SORCS1: variants seen among roughly 807,000 people sequenced by gnomAD.
SORCS1 encodes sortilin related VPS10 domain containing receptor 1.
Under a neutral mutation model 146.1 loss-of-function variants are expected in SORCS1, and 60 were observed. The observed-to-expected ratio is 0.41, with a 90% CI of 0.33 to 0.51. SORCS1 has a LOEUF of 0.51. Among genes scored for constraint, SORCS1 ranks in the 20% least tolerant of loss-of-function variants. SORCS1 has a pLI of 0.21. For missense variants in SORCS1, 1,352 were observed against 1,487.6 expected (o/e 0.91, Z 1.50); for synonymous variants, 637 against 584.0 (o/e 1.09, Z -1.31).
intron 1 of SORCS1, among the ~76,000 whole-genome samples, chr10:106,974,642 A>G (rs998778036): frequency 3.3e-5 from 5 of 152,312 alleles, no homozygotes; most frequent in Non-Finnish European, 5.9e-5. Flanking sequence ...CAGTCTCCAA[A>G]GCAAGGGTTT....
intron 2 of SORCS1, among the ~76,000 whole-genome samples, chr10:106,938,962 T>A (rs529784374): frequency 6.6e-6 from 1 of 152,296 alleles, no homozygotes; most frequent in Admixed American, 6.5e-5. Context: ...AAGAGAGAGA[T>A]TATTGGGACT....
At chr10:106,942,562 T>C (rs1954097454) in intron 2 of SORCS1, among the ~76,000 whole-genome samples, 1 of 152,110 alleles carries the variant, frequency 6.6e-6, no homozygotes, top group Non-Finnish European at 1.5e-5. Context: ...TTCCAAAATG[T>C]CAAGTCCCAT....
chr10:107,032,580 G>C (rs1049027752), intron 1 of SORCS1, among the ~76,000 whole-genome samples: 1 of 152,142 alleles, frequency 6.6e-6, no homozygotes, highest in Admixed American at 6.6e-5. Flanking sequence ...CAATGAGTTA[G>C]AAGAGCTGAG....
intron 22 of SORCS1, among the ~76,000 whole-genome samples, chr10:106,610,565 G>C (rs752138433): frequency 2.0e-5 from 3 of 152,190 alleles, no homozygotes; most frequent in Non-Finnish European, 4.4e-5. Flanking sequence ...TCTGTTTTCT[G>C]ATCAGGAGTT....
chr10:106,876,042 T>C (rs1169662420), intron 2 of SORCS1, among the ~76,000 whole-genome samples: 2 of 152,028 alleles, frequency 1.3e-5, no homozygotes, highest in Non-Finnish European at 2.9e-5. Flanking sequence ...TAATTTCTAT[T>C]TATTATTTAT....
chr10:107,133,828 A>T (rs7092138), intron 1 of SORCS1, among the ~76,000 whole-genome samples: 11,178 of 152,294 alleles, frequency 0.073, 839 homozygotes, highest in East Asian at 0.34. Flanking sequence ...TGGAAGTCCA[A>T]CAGATCCCCA....
chr10:106,633,976 T>C (rs1848583075), intron 18 of SORCS1, among the ~76,000 whole-genome samples: 1 of 152,178 alleles, frequency 6.6e-6, no homozygotes, highest in African/African-American at 2.4e-5. Flanking sequence ...TGTGGTCGGA[T>C]ACATCTGAAG....
chr10:106,847,808 G>T (rs1289908958), intron 2 of SORCS1, among the ~76,000 whole-genome samples: 4 of 132,070 alleles, frequency 3.0e-5, no homozygotes, highest in African/African-American at 7.9e-5. Flanking sequence ...TGGTTTCAAA[G>T]AACATCTTTA....
At chr10:107,064,393 C>T (rs191279431) in intron 1 of SORCS1, among the ~76,000 whole-genome samples, 1 of 152,238 alleles carries the variant, frequency 6.6e-6, no homozygotes. Flanking sequence ...TTTTCCTACC[C>T]GGGGGAAATG....
intron 1 of SORCS1, among the ~76,000 whole-genome samples, chr10:107,042,389 T>A (rs567297697): frequency 2.3e-3 from 351 of 152,356 alleles, no homozygotes; most frequent in Non-Finnish European, 3.1e-3. Flanking sequence ...TCTAGATTTA[T>A]AAAGAGCTTT....
intron 18 of SORCS1, among the ~76,000 whole-genome samples, chr10:106,647,514 G>T (rs1589559407): frequency 6.6e-6 from 1 of 152,084 alleles, no homozygotes; most frequent in Non-Finnish European, 1.5e-5. Context: ...ATTAAGATAG[G>T]TTTTAAATTC....
At chr10:106,798,475 C>T (rs1194950151) in intron 3 of SORCS1, among the ~76,000 whole-genome samples, 1 of 143,110 alleles carries the variant, frequency 7.0e-6, no homozygotes, top group Non-Finnish European at 1.5e-5. Flanking sequence ...GTGTGATGTT[C>T]CCCTTCCTGT....
chr10:106,962,125 C>T (rs561618956), intron 1 of SORCS1, among the ~76,000 whole-genome samples: 5 of 151,914 alleles, frequency 3.3e-5, no homozygotes, highest in East Asian at 1.9e-4. Context: ...CAGGGCTGGG[C>T]GTGGTGGCTC....
At chr10:106,987,848 A>T (rs1325656691) in intron 1 of SORCS1, among the ~76,000 whole-genome samples, 1 of 152,146 alleles carries the variant, frequency 6.6e-6, no homozygotes, top group Non-Finnish European at 1.5e-5. Context: ...TTTAAATAAG[A>T]TAATAATTTT....
intron 6 of SORCS1, among the ~76,000 whole-genome samples, chr10:106,712,747 TAA>T (rs1336570151): frequency 1.3e-5 from 2 of 152,200 alleles, no homozygotes; most frequent in Non-Finnish European, 2.9e-5. Flanking sequence ...GGAACACACT[TAA>T]AAAGACTAGT....
At chr10:107,079,396 A>C in intron 1 of SORCS1, among the ~76,000 whole-genome samples, 1 of 152,176 alleles carries the variant, frequency 6.6e-6, no homozygotes, top group East Asian at 1.9e-4. Context: ...AACTACACAT[A>C]TTTAAAATGG....
chr10:106,778,193 A>G (rs368269952), intron 3 of SORCS1, among the ~76,000 whole-genome samples: 1 of 152,128 alleles, frequency 6.6e-6, no homozygotes, highest in South Asian at 2.1e-4. Flanking sequence ...TATGCTATCC[A>G]GGACGAATTT....
At chr10:107,119,216 G>A (rs973764443) in intron 1 of SORCS1, among the ~76,000 whole-genome samples, 2 of 152,180 alleles carry the variant, frequency 1.3e-5, no homozygotes, top group Non-Finnish European at 2.9e-5. Context: ...AACTGCAAAA[G>A]AATTGGTAAG....
At chr10:107,136,107 T>C (rs958293300) in intron 1 of SORCS1, among the ~76,000 whole-genome samples, 65 of 150,574 alleles carry the variant, frequency 4.3e-4, no homozygotes, top group African/African-American at 1.5e-3. Context: ...TAGTAAAGAG[T>C]GCAGTTGTAG....
Sources: allele counts gnomAD v4.1 joint callset (sites outside exome capture counted in the v4.1 genomes callset), GRCh38; gene constraint gnomAD v4.1.1; transcripts MANE v1.5; gene names NCBI Gene and HGNC (gene_info 2026-07-23, HGNC 2026-07-21).